Variants in RPS6KA2 observed in about 807,000 individuals in gnomAD.
The protein encoded by RPS6KA2 is ribosomal protein S6 kinase alpha-2.
Under a neutral mutation model 91.8 loss-of-function variants are expected in RPS6KA2, and 42 were observed. The ratio of observed to expected loss-of-function variants is 0.46; its 90% confidence interval spans 0.36 to 0.59. RPS6KA2 has a LOEUF of 0.59. Among genes scored for constraint, RPS6KA2 ranks in the 20% least tolerant of loss-of-function variants. The pLI, the probability that RPS6KA2 is intolerant of heterozygous loss-of-function variation, is 0.00. For synonymous variants in RPS6KA2, 414 were observed against 393.6 expected (o/e 1.05, Z -0.61); for missense variants, 798 against 978.5 (o/e 0.82, Z 2.46).
chr6:166,793,497 A>T (rs992752895), intron 2 of RPS6KA2, among the ~76,000 whole-genome samples: 3 of 149,442 alleles, frequency 2.0e-5, no homozygotes, highest in Admixed American at 6.7e-5. Context: ...GAATTGGAAA[A>T]AACTACTTTA....
chr6:166,641,997 GCAGAATTTTT>G (rs1258764552), intron 2 of RPS6KA2, among the ~76,000 whole-genome samples: 8 of 151,828 alleles, frequency 5.3e-5, no homozygotes, highest in Non-Finnish European at 1.0e-4. Flanking sequence ...AGGCAATACT[GCAGAATTTTT>G]CAGAGTAGAT....
At chr6:166,705,413 A>G (rs1789653829) in intron 2 of RPS6KA2, among the ~76,000 whole-genome samples, 1 of 152,190 alleles carries the variant, frequency 6.6e-6, no homozygotes, top group Non-Finnish European at 1.5e-5. Flanking sequence ...ATCTGAGCAG[A>G]TCACCACCCT....
chr6:166,637,350 G>A (rs1787279180), intron 2 of RPS6KA2, among the ~76,000 whole-genome samples: 1 of 152,262 alleles, frequency 6.6e-6, no homozygotes, highest in Non-Finnish European at 1.5e-5. Flanking sequence ...GGGACCTCCA[G>A]GAGAGAAGGG....
In RPS6KA2 at chr6:166,419,807, G is replaced by T; in HGVS notation, c.1820+75C>A. On this transcript the variant is annotated intron_variant, in intron 18 of 20. Transcript: ENST00000265678. This position sits in a 1 kb window ranked among gnomAD's most constrained non-coding sequence, Gnocchi z 5.6. ...CGCACACTAGGACAGGGCTGGCCCT[G>T]GTCCCCTGACAGATCAGCCACTGAG... 2 of 1,351,660 alleles carry T rather than the reference G, an allele frequency of 1.5e-6. No individual in the cohort carries two copies. The highest frequency in any genetic ancestry group is 1.2e-5 in the South Asian group (1 of 85,190). 83.7% of individuals were successfully genotyped at this position (1,351,660 alleles called of 1,614,324 possible). A position where few individuals can be genotyped will look rare whatever the true frequency, so the allele number is the denominator to read the frequency against.
chr6:166,777,491 G>A (rs76821928), intron 2 of RPS6KA2, among the ~76,000 whole-genome samples: 1,742 of 152,248 alleles, frequency 0.011, 29 homozygotes, highest in African/African-American at 0.037. Context: ...CCCAGGCAGC[G>A]CCACTCTGCA....
At chr6:166,427,334 C>T (rs1225028927) in intron 16 of RPS6KA2, among the ~76,000 whole-genome samples, 2 of 152,210 alleles carry the variant, frequency 1.3e-5, no homozygotes, top group African/African-American at 4.8e-5. Flanking sequence ...GACAAACCCA[C>T]AGCCAATATC....
chr6:166,827,364 T>C (rs567098472), intron 2 of RPS6KA2, among the ~76,000 whole-genome samples: 26 of 151,644 alleles, frequency 1.7e-4, no homozygotes, highest in African/African-American at 5.6e-4. Context: ...TGTGTATATA[T>C]CTACAATGGA....
upstream of RPS6KA2, among the ~76,000 whole-genome samples, chr6:166,631,418 AT>A (rs1787071042): frequency 6.6e-6 from 1 of 152,116 alleles, no homozygotes; most frequent in Non-Finnish European, 1.5e-5. Flanking sequence ...TGGAGCCCTC[AT>A]CCCCCATCCA....
At chr6:166,441,658 G>A (rs1273188240) in intron 14 of RPS6KA2, among the ~76,000 whole-genome samples, 5 of 152,178 alleles carry the variant, frequency 3.3e-5, no homozygotes, top group Non-Finnish European at 7.3e-5. Flanking sequence ...GGCCCCGTGC[G>A]GCTCACTGCA....
chr6:166,855,307 AT>A (rs1227170779), intron 2 of RPS6KA2, among the ~76,000 whole-genome samples: 3 of 152,124 alleles, frequency 2.0e-5, no homozygotes, highest in Non-Finnish European at 4.4e-5. Flanking sequence ...ACGAAACTGC[AT>A]TTATACTCCC....
intron 2 of RPS6KA2, among the ~76,000 whole-genome samples, chr6:166,792,703 T>C (rs1461757056): frequency 6.6e-6 from 1 of 152,156 alleles, no homozygotes; most frequent in Non-Finnish European, 1.5e-5. Context: ...GTTCAATATA[T>C]GCAAATCAAT....
intron 1 of RPS6KA2, among the ~76,000 whole-genome samples, chr6:166,582,828 A>G (rs2128517150): frequency 6.6e-6 from 1 of 152,340 alleles, no homozygotes; most frequent in East Asian, 1.9e-4. Context: ...ACAAAACACA[A>G]AAAAACCTCT....
chr6:166,481,279 G>T (rs936615914), intron 10 of RPS6KA2, among the ~76,000 whole-genome samples: 2 of 152,250 alleles, frequency 1.3e-5, no homozygotes, highest in African/African-American at 4.8e-5. Context: ...TTTTAATTAA[G>T]ACTGAGCAAA....
At chr6:166,781,300 G>C (rs962837342) in intron 2 of RPS6KA2, among the ~76,000 whole-genome samples, 10 of 152,186 alleles carry the variant, frequency 6.6e-5, no homozygotes, top group African/African-American at 2.4e-4. Context: ...GTGCATTTTG[G>C]GGATTGTTCA....
intron 10 of RPS6KA2, among the ~76,000 whole-genome samples, chr6:166,483,455 G>A (rs1781303611): frequency 6.6e-6 from 1 of 152,314 alleles, no homozygotes; most frequent in African/African-American, 2.4e-5. Context: ...GCAGGAGGAC[G>A]GCCCGCAAAC....
At chr6:166,652,155 G>A (rs1431214656) in intron 2 of RPS6KA2, among the ~76,000 whole-genome samples, 1 of 152,234 alleles carries the variant, frequency 6.6e-6, no homozygotes, top group Non-Finnish European at 1.5e-5. Flanking sequence ...TTATCTCATA[G>A]AAGAAAAACA....
At chr6:166,681,816 G>A (rs1054667676) in intron 2 of RPS6KA2, among the ~76,000 whole-genome samples, 1 of 151,730 alleles carries the variant, frequency 6.6e-6, no homozygotes, top group Non-Finnish European at 1.5e-5. Context: ...TGCAGCAGGT[G>A]CCTAGAATGT....
At chr6:166,708,878 A>T (rs557429611) in intron 2 of RPS6KA2, among the ~76,000 whole-genome samples, 1 of 152,386 alleles carries the variant, frequency 6.6e-6, no homozygotes, top group African/African-American at 2.4e-5. Context: ...ACATGATAAA[A>T]TAAATGCATT....
At chr6:166,658,871 C>T (rs1788076817) in intron 2 of RPS6KA2, among the ~76,000 whole-genome samples, 2 of 152,200 alleles carry the variant, frequency 1.3e-5, no homozygotes, top group Non-Finnish European at 2.9e-5. Context: ...CTGCTCTGTA[C>T]AAGACACATG....
Sources: gnomAD v4.1 joint callset for allele counts (sites outside exome capture counted in the v4.1 genomes callset) on GRCh38, gnomAD v4.1.1 for gene constraint, Gnocchi (gnomAD v3.1) non-coding constraint, MANE v1.5 for transcripts, NCBI Gene and HGNC (gene_info 2026-07-23, HGNC 2026-07-21) for gene names.